Variants in KLHL13 observed in about 807,000 individuals in gnomAD.
The protein encoded by KLHL13 is kelch like family member 13.
KLHL13 carries 10 observed loss-of-function variants against 37.1 expected under a neutral mutation model. The observed-to-expected ratio is 0.27, with a 90% CI of 0.17 to 0.46. KLHL13 has a LOEUF of 0.46. KLHL13 is among the 20% of genes least tolerant of loss of function. The probability of loss-of-function intolerance (pLI) is 1.00; values close to 1 mark genes in which losing one functional copy is unlikely to be tolerated. For missense variants in KLHL13, 360 were observed against 509.3 expected, an observed-to-expected ratio of 0.71 and a Z score of 2.82; for synonymous variants, 163 against 181.2, an observed-to-expected ratio of 0.90 and a Z score of 0.81.
intron 1 of KLHL13, among the ~76,000 whole-genome samples, chrX:118,073,502 A>T: frequency 9.0e-6 from 1 of 111,241 alleles, no homozygotes; most frequent in East Asian, 2.8e-4. Context: ...ACACAGCCAA[A>T]CCATATCATC....
intron 2 of KLHL13, among the ~76,000 whole-genome samples, chrX:117,940,058 G>C (rs752539002): frequency 9.0e-5 from 10 of 111,501 alleles, no homozygotes; most frequent in Non-Finnish European, 1.9e-4. Context: ...TTTCTTCCAG[G>C]GTTTTTATGG....
Position 118,071,624 on chromosome X carries a change from A to T in KLHL13, c.-56+44884T>A, listed in dbSNP as rs1223946300. ...TCTCCTTAAGCTGATAAGCAACTTC[A>T]GCAAAGTCTCAGGATACAAAATCAA... On this transcript the variant is annotated intron_variant, in intron 1 of 6. Coordinates refer to the KLHL13 transcript ENST00000371882. Among the ~76,000 whole-genome samples the T allele has an allele frequency of 3.6e-5, 4 of 111,123 alleles. No homozygotes were observed. The East Asian group carries it at 1.1e-3, about 31-fold the overall frequency.
chrX:118,059,395 G>T lies in KLHL13; in HGVS notation c.-56+57113C>A, dbSNP rs753008429. Among the ~76,000 whole-genome samples, 127 of 111,425 alleles carry T rather than the reference G, an allele frequency of 1.1e-3. 1 individual carries two copies. Among genetic ancestry groups the T allele is most frequent in the Non-Finnish European group, 2.1e-3 (113 of 53,065 alleles). On this transcript the variant is annotated intron_variant, in intron 1 of 6. Coordinates refer to the KLHL13 transcript ENST00000371882. ...GCAGCATCTTCACTTTTCTTCTCAC[G>T]CTGTTTCCACTACAAATATAGCAAA...
In KLHL13 at chrX:117,939,566, C is replaced by T. The variant is rs6646005; in HGVS notation, c.240+5868G>A. 7.4e-3 allele frequency among the ~76,000 whole-genome samples: 828 copies of T among 112,014 alleles called. 7 individuals are homozygous for T. Among genetic ancestry groups the T allele is most frequent in the African/African-American group, 0.024 (734 of 30,823 alleles). ...TTTATACACCCACCAACAGAGTAAA[C>T]GTGTTCCTATTTCTCCACATCCTCT... On this transcript the variant is annotated intron_variant, in intron 2 of 6. Transcript: ENST00000262820.
At chrX:117,906,083 C>T (rs62609217) in intron 5 of KLHL13, among the ~76,000 whole-genome samples, 6,651 of 111,304 alleles carry the variant, frequency 0.06, 181 homozygotes, top group Middle Eastern at 0.12. Flanking sequence ...CTTCTATTTA[C>T]ATAGGCATAT....
At chrX:118,053,800 A>AGAGAGAGAGAGAGAGAGAGAGGAGAG (rs2054646571) in intron 1 of KLHL13, among the ~76,000 whole-genome samples, 1 of 49,441 alleles carries the variant, frequency 2.0e-5, no homozygotes, top group African/African-American at 1.3e-4. Context: ...TGTGTGTGTG[A>AGAGAGAGAGAGAGAGAGAGAGGAGAG]GAGAGAGAGA....
At chrX:118,093,866 G>T (rs1203467525) in intron 1 of KLHL13, among the ~76,000 whole-genome samples, 3 of 109,777 alleles carry the variant, frequency 2.7e-5, no homozygotes, top group Non-Finnish European at 5.7e-5. Context: ...AGGAATCACA[G>T]AAAAATTATA....
At chrX:117,927,413 A>G (rs1932134774) in intron 2 of KLHL13, among the ~76,000 whole-genome samples, 1 of 112,200 alleles carries the variant, frequency 8.9e-6, no homozygotes, top group East Asian at 2.8e-4. Context: ...AGAAGCAGTG[A>G]TTGTCTTTCT....
chrX:117,983,500 T>C, intron 1 of KLHL13: 6 of 1,148,863 alleles, frequency 5.2e-6, no homozygotes, highest in Non-Finnish European at 6.9e-6. Flanking sequence ...ATTTTTTGAA[T>C]ATATCCTTGA....
rs746185108 is a variant in KLHL13, at chrX:117,963,959, G to A, written c.98+8772C>T. On this transcript the variant is annotated intron_variant, in intron 1 of 6. Transcript: ENST00000262820. ...TCGCAAGAACAAAAAACCAAACACC[G>A]CATATTCTCACTCATAGGTGGGAAT... Among the ~76,000 whole-genome samples, 638 of 82,347 alleles carry A rather than the reference G, an allele frequency of 7.7e-3. 12 individuals carry two copies. Among genetic ancestry groups the A allele is most frequent in the African/African-American group, 0.028 (588 of 21,360 alleles). 71.5% of individuals were successfully genotyped at this position (82,347 alleles called of 115,157 possible). A position where few individuals can be genotyped will look rare whatever the true frequency, so the allele number is the denominator to read the frequency against.
At chrX:118,093,738 A>G (rs1307148320) in intron 1 of KLHL13, among the ~76,000 whole-genome samples, 1 of 111,699 alleles carries the variant, frequency 9.0e-6, no homozygotes, top group African/African-American at 3.3e-5. Context: ...ATATTATGAC[A>G]AAGTCTTATA....
chrX:118,098,867 T>C (rs1469774873), intron 1 of KLHL13, among the ~76,000 whole-genome samples: 2 of 96,325 alleles, frequency 2.1e-5, no homozygotes, highest in Non-Finnish European at 2.1e-5. Flanking sequence ...TAGGTGGGAA[T>C]TGAACAATGA....
At chrX:118,021,144 T>TA (rs1202266104) in intron 1 of KLHL13, among the ~76,000 whole-genome samples, 1 of 107,872 alleles carries the variant, frequency 9.3e-6, no homozygotes, top group Non-Finnish European at 1.9e-5. Context: ...AGTATAATAA[T>TA]AAAAAAATAC....
intron 1 of KLHL13, among the ~76,000 whole-genome samples, chrX:117,954,938 T>C (rs1165296158): frequency 3.6e-5 from 4 of 112,139 alleles, no homozygotes; most frequent in Admixed American, 9.5e-5. Context: ...GCCAATTTTC[T>C]AGGAGCTTTG....
chrX:118,024,258 T>C (rs1261168282), intron 1 of KLHL13, among the ~76,000 whole-genome samples: 1 of 112,245 alleles, frequency 8.9e-6, no homozygotes, highest in Non-Finnish European at 1.9e-5. Flanking sequence ...ATACATTCAC[T>C]TCTCTGGTTT....
At chrX:118,069,896 C>T (rs2054839491) in intron 1 of KLHL13, among the ~76,000 whole-genome samples, 1 of 112,410 alleles carries the variant, frequency 8.9e-6, no homozygotes, top group Admixed American at 9.4e-5. Flanking sequence ...CCCATAACAA[C>T]TTTCAGTCCT....
intron 1 of KLHL13, among the ~76,000 whole-genome samples, chrX:117,952,231 G>A (rs1260698331): frequency 3.6e-5 from 4 of 111,276 alleles, no homozygotes; most frequent in African/African-American, 9.8e-5. Flanking sequence ...ACAGAACAGA[G>A]CCCTCAGAAA....
chrX:117,973,288 TG>T, exon 1 of KLHL13: 1 of 967,001 alleles, frequency 1.0e-6, no homozygotes. Context: ...GGGTTTCATA[TG>T]AAAATGAAAC....
intron 1 of KLHL13, among the ~76,000 whole-genome samples, chrX:118,018,615 CT>C (rs2054156659): frequency 9.0e-6 from 1 of 111,463 alleles, no homozygotes; most frequent in African/African-American, 3.2e-5. Flanking sequence ...TGTATCTCTT[CT>C]TAGCATTCAG....
Sources: allele counts gnomAD v4.1 joint callset (sites outside exome capture counted in the v4.1 genomes callset), GRCh38; gene constraint gnomAD v4.1.1; transcripts MANE v1.5; gene names NCBI Gene and HGNC (gene_info 2026-07-23, HGNC 2026-07-21).